ADGRB3: variants seen among roughly 807,000 people sequenced by gnomAD.
ADGRB3 encodes brain-specific angiogenesis inhibitor 3.
ADGRB3 carries 37 observed loss-of-function variants against 193.4 expected under a neutral mutation model. The ratio of observed to expected loss-of-function variants is 0.19; its 90% CI spans 0.15 to 0.25. ADGRB3 has a LOEUF of 0.25. ADGRB3 is among the 10% of genes least tolerant of loss of function. The pLI, the probability that ADGRB3 is intolerant of heterozygous loss-of-function variation, is 1.00. For synonymous variants in ADGRB3, 690 were observed against 644.2 expected (o/e 1.07, Z -1.08); for missense variants, 1,637 against 1,852.9 (o/e 0.88, Z 2.14).
intron 3 of ADGRB3, among the ~76,000 whole-genome samples, chr6:68,820,025 C>T (rs935157584): frequency 1.2e-4 from 18 of 152,134 alleles, no homozygotes; most frequent in Non-Finnish European, 1.9e-4. Context: ...ACTAAATATT[C>T]GTACTGATTG....
chr6:69,014,995 T>G (rs950224738), intron 12 of ADGRB3, among the ~76,000 whole-genome samples: 2 of 151,924 alleles, frequency 1.3e-5, no homozygotes, highest in Non-Finnish European at 2.9e-5. Flanking sequence ...AGATATAAAT[T>G]TCATGCATCT....
At chr6:69,247,563 C>T (rs553983760) in intron 20 of ADGRB3, among the ~76,000 whole-genome samples, 3 of 152,210 alleles carry the variant, frequency 2.0e-5, no homozygotes, top group Non-Finnish European at 4.4e-5. Flanking sequence ...CTTATGAAAC[C>T]ATTTTAGCTC....
chr6:68,874,321 G>T (rs1765532493), intron 3 of ADGRB3, among the ~76,000 whole-genome samples: 1 of 151,962 alleles, frequency 6.6e-6, no homozygotes. Context: ...TACATTCACA[G>T]GTAACTCCTC....
intron 17 of ADGRB3, among the ~76,000 whole-genome samples, chr6:69,120,794 A>G (rs866583404): frequency 3.3e-5 from 5 of 152,144 alleles, no homozygotes; most frequent in Admixed American, 6.5e-5. Flanking sequence ...GTTTTCCTCG[A>G]GCTTTAAAAC....
intron 17 of ADGRB3, among the ~76,000 whole-genome samples, chr6:69,217,897 T>C (rs535337985): frequency 3.2e-4 from 48 of 148,522 alleles, no homozygotes; most frequent in African/African-American, 1.2e-3. Context: ...GACAGACAGG[T>C]ATTCAGTTTT....
intron 29 of ADGRB3, among the ~76,000 whole-genome samples, chr6:69,368,182 G>A (rs1414358945): frequency 2.0e-5 from 3 of 152,040 alleles, no homozygotes; most frequent in Non-Finnish European, 2.9e-5. Flanking sequence ...TTTTTCCATC[G>A]ATTCAACTAT....
intron 3 of ADGRB3, among the ~76,000 whole-genome samples, chr6:68,689,322 A>G (rs1765033639): frequency 6.6e-6 from 1 of 152,072 alleles, no homozygotes; most frequent in Non-Finnish European, 1.5e-5. Flanking sequence ...CACCACTTCA[A>G]ACTCCTGTTG....
chr6:68,930,219 C>T (rs1048728901), intron 3 of ADGRB3, among the ~76,000 whole-genome samples: 2 of 151,916 alleles, frequency 1.3e-5, no homozygotes, highest in Admixed American at 6.6e-5. Context: ...AGTCAGGATT[C>T]TCTCTCTAAA....
In ADGRB3 at chr6:68,934,575, C is replaced by A. The variant is rs1168304835; in HGVS notation, c.869-1944C>A. 2.6e-5 allele frequency among the ~76,000 whole-genome samples: 4 copies of A among 152,098 alleles called. No homozygotes were observed. The South Asian group carries it at 8.3e-4, about 31-fold the overall frequency. On this transcript the variant is annotated intron_variant, in intron 4 of 31. Coordinates refer to ENST00000370598, the MANE Select transcript of ADGRB3 (RefSeq NM_001704.3). ...ATCCACATTGTTCATAATTTTCTGACTTTTAATTAATAACATGCAACCATA... is the reference window on the plus strand; with the variant it reads ...ATCCACATTGTTCATAATTTTCTGAATTTTAATTAATAACATGCAACCATA...
At chr6:69,292,191 T>C (rs1582609515) in intron 20 of ADGRB3, among the ~76,000 whole-genome samples, 1 of 152,200 alleles carries the variant, frequency 6.6e-6, no homozygotes, top group Admixed American at 6.5e-5. Flanking sequence ...TCTGTATGCT[T>C]TTCTCTTTTT....
chr6:68,808,870 G>C (rs1767458409), intron 3 of ADGRB3, among the ~76,000 whole-genome samples: 1 of 152,140 alleles, frequency 6.6e-6, no homozygotes, highest in Admixed American at 6.5e-5. Context: ...CTGTAAAAGA[G>C]TAACACTGCG....
At chr6:68,736,974 T>C (rs2127337467) in intron 3 of ADGRB3, among the ~76,000 whole-genome samples, 1 of 152,182 alleles carries the variant, frequency 6.6e-6, no homozygotes, top group Non-Finnish European at 1.5e-5. Flanking sequence ...ATATTTTCCC[T>C]CAATAAGTTG....
At chr6:68,903,093 A>C (rs530550821) in intron 3 of ADGRB3, among the ~76,000 whole-genome samples, 1 of 152,326 alleles carries the variant, frequency 6.6e-6, no homozygotes, top group South Asian at 2.1e-4. Flanking sequence ...TCCATGATTT[A>C]CACTTTTGAC....
intron 17 of ADGRB3, among the ~76,000 whole-genome samples, chr6:69,154,868 AAC>A (rs1167113034): frequency 6.6e-6 from 1 of 152,232 alleles, no homozygotes; most frequent in African/African-American, 2.4e-5. Context: ...TCATTCAAGC[AAC>A]AGTTTTTAAT....
intron 3 of ADGRB3, among the ~76,000 whole-genome samples, chr6:68,893,271 T>C (rs922413876): frequency 1.3e-5 from 2 of 152,056 alleles, no homozygotes; most frequent in African/African-American, 4.8e-5. Context: ...ATAAAGCAGC[T>C]GGCCTATCAA....
intron 17 of ADGRB3, among the ~76,000 whole-genome samples, chr6:69,092,542 A>C (rs1772739707): frequency 6.6e-6 from 1 of 152,198 alleles, no homozygotes; most frequent in Non-Finnish European, 1.5e-5. Flanking sequence ...TTTTTTGATA[A>C]TAATTGTAAG....
intron 12 of ADGRB3, among the ~76,000 whole-genome samples, chr6:69,016,793 G>C (rs1178335752): frequency 1.3e-5 from 2 of 151,856 alleles, no homozygotes; most frequent in South Asian, 2.1e-4. Context: ...TTTTCCAAAA[G>C]TAAATGTTCT....
intron 3 of ADGRB3, among the ~76,000 whole-genome samples, chr6:68,653,540 AC>A (rs1021309335): frequency 6.6e-6 from 1 of 152,046 alleles, no homozygotes; most frequent in Non-Finnish European, 1.5e-5. Flanking sequence ...GCACTCTAGA[AC>A]CCATTTTAGG....
intron 3 of ADGRB3, among the ~76,000 whole-genome samples, chr6:68,722,325 C>T (rs534156507): frequency 6.6e-5 from 10 of 151,488 alleles, no homozygotes; most frequent in Admixed American, 4.0e-4. Flanking sequence ...GGGCCTGTTG[C>T]GGGGCGGGGG....
Sources: gnomAD v4.1 joint callset for allele counts (sites outside exome capture counted in the v4.1 genomes callset) on GRCh38, gnomAD v4.1.1 for gene constraint, MANE v1.5 for transcripts, NCBI Gene and HGNC (gene_info 2026-07-23, HGNC 2026-07-21) for gene names.